The following R3HDM2 variants were observed in gnomAD, a reference collection of about 807,000 sequenced individuals.
R3HDM2 encodes the protein R3H domain-containing protein 2.
Under a neutral mutation model 124.5 loss-of-function variants are expected in R3HDM2, and 38 were observed. That is an observed-to-expected ratio of 0.31 (90% CI 0.24 to 0.40). R3HDM2 has a LOEUF of 0.40. R3HDM2 is among the 10% of genes least tolerant of loss of function. R3HDM2 has a pLI of 1.00. For synonymous variants in R3HDM2, 391 were observed against 448.0 expected (o/e 0.87, Z 1.61); for missense variants, 869 against 1,236.9 (o/e 0.70, Z 4.46).
chr12:57,355,628 A>T (rs966887190), intron 2 of R3HDM2, among the ~76,000 whole-genome samples: 2 of 152,180 alleles, frequency 1.3e-5, no homozygotes, highest in Admixed American at 1.3e-4. Flanking sequence ...CAGGTAGTTT[A>T]AGTCTTCCAA....
At chr12:57,300,206 C>A in intron 4 of R3HDM2, 25 bp from the exon 5 acceptor site, 2 of 1,531,668 alleles carry the variant, frequency 1.3e-6, no homozygotes, top group South Asian at 2.4e-5. Flanking sequence ...AAACAATTTT[C>A]AATTTTTTTA....
chr12:57,304,483 T>C, intron 3 of R3HDM2: 1 of 980,306 alleles, frequency 1.0e-6, no homozygotes, highest in Non-Finnish European at 1.2e-6. Flanking sequence ...CAGCATGGCC[T>C]TGGGTAGGTG....
intron 2 of R3HDM2, among the ~76,000 whole-genome samples, chr12:57,357,599 AG>A (rs2061442780): frequency 1.3e-5 from 2 of 150,756 alleles, no homozygotes; most frequent in African/African-American, 4.9e-5. Flanking sequence ...TCTGGCTAAA[AG>A]TTCAATTTTG....
chr12:57,269,612 G>C, intron 15 of R3HDM2, 140 bp downstream of exon 15: 3 of 1,448,894 alleles, frequency 2.1e-6, no homozygotes, highest in Non-Finnish European at 2.8e-6. Flanking sequence ...ATAGAAAGAA[G>C]ACTTTCTGGC....
chr12:57,287,607 A>G (rs938773112), intron 12 of R3HDM2, among the ~76,000 whole-genome samples: 23 of 152,236 alleles, frequency 1.5e-4, no homozygotes, highest in Middle Eastern at 3.2e-3. Context: ...CTACAGTAGT[A>G]GGAGTGAGAT....
chr12:57,420,405 A>G (rs1050909656), intron 1 of R3HDM2, among the ~76,000 whole-genome samples: 1 of 152,064 alleles, frequency 6.6e-6, no homozygotes, highest in Non-Finnish European at 1.5e-5. Context: ...TGTCAAATCC[A>G]GTGAGTTATT....
At chr12:57,288,094 A>C (rs2047765481) in intron 12 of R3HDM2, among the ~76,000 whole-genome samples, 1 of 145,252 alleles carries the variant, frequency 6.9e-6, no homozygotes, top group African/African-American at 2.6e-5. Flanking sequence ...ATCTCAGCTC[A>C]CTGCAACCTC....
intron 20 of R3HDM2, 44 bp from the exon 21 acceptor site, chr12:57,258,181 C>T (rs1367516681): frequency 2.8e-6 from 4 of 1,427,842 alleles, no homozygotes; most frequent in East Asian, 2.6e-5. Context: ...TCAAACATTA[C>T]CCTCTGGATA....
chr12:57,367,837 C>T (rs2062846728), intron 2 of R3HDM2, among the ~76,000 whole-genome samples: 1 of 152,190 alleles, frequency 6.6e-6, no homozygotes, highest in Non-Finnish European at 1.5e-5. Flanking sequence ...TTTTTTATTT[C>T]TAAAATAATT....
intron 13 of R3HDM2, among the ~76,000 whole-genome samples, chr12:57,282,885 G>A (rs1035999415): frequency 1.5e-4 from 23 of 152,206 alleles, no homozygotes; most frequent in African/African-American, 5.5e-4. Context: ...CTTCTGGGAT[G>A]AGATTCAAGC....
intron 2 of R3HDM2, among the ~76,000 whole-genome samples, chr12:57,323,863 C>CAG (rs1442682561): frequency 6.6e-6 from 1 of 152,060 alleles, no homozygotes; most frequent in Non-Finnish European, 1.5e-5. Context: ...CAAAGAGGAG[C>CAG]AGAGGGTCCT....
At position 57,283,926 on chromosome 12, in the gene R3HDM2, G is replaced by A; in HGVS notation, c.1069C>T (p.Pro357Ser). 1 of 1,614,146 alleles carries A rather than the reference G, an allele frequency of 6.2e-7. No homozygotes were observed. Among genetic ancestry groups the A allele is most frequent in the African/African-American group, 1.3e-5 (1 of 75,026 alleles). ...SDGSVRSMRPPVTKASSFSGI... is the reference protein window; with the variant it reads ...SDGSVRSMRPSVTKASSFSGI... ...CTGAAGCTGCTAGCTTTGGTGACAG[G>A]GGGTCGCATGCTCCGGACAGAGCCA... Residue 357 changes from proline (P) to serine (S), a missense_variant, in exon 13 of 24, where the codon CCT (proline) becomes TCT (serine). By Grantham distance (74) the Pro-to-Ser change is moderately conservative (BLOSUM62 -1). This residue lies in a region of R3HDM2 where 267 missense variants were observed against 447.7 expected (regional missense o/e 0.60). Coordinates refer to ENST00000402412, the MANE Select transcript of R3HDM2 (RefSeq NM_001394031.1).
At position 57,310,222 on chromosome 12, in the gene R3HDM2, G is replaced by GA. The variant is rs57612216; in HGVS notation, c.165+41dup. ...GAGCTGGGTAACCCTGTCTCTAAAG[G>GA]AAAAAAAAAAAGTGTGCATACAATG... On this transcript the variant is annotated intron_variant, in intron 3 of 23. Coordinates refer to ENST00000402412, the MANE Select transcript of R3HDM2 (RefSeq NM_001394031.1). 7.6e-5 allele frequency: 83 copies of GA among 1,086,852 alleles called. No individual in the cohort carries two copies. In the African/African-American group the frequency reaches 1.2e-3, roughly 15 times the overall value. The allele number at this position is 1,086,852 out of a possible 1,614,324, so 67.3% of individuals were successfully genotyped here. A position where few individuals can be genotyped will look rare whatever the true frequency, so the allele number is the denominator to read the frequency against.
chr12:57,407,606 C>T (rs2068643747), intron 1 of R3HDM2, among the ~76,000 whole-genome samples: 1 of 151,814 alleles, frequency 6.6e-6, no homozygotes, highest in African/African-American at 2.4e-5. Flanking sequence ...GGGGTTTCAC[C>T]GTCTTGGCCA....
At chr12:57,359,172 C>T (rs567011104) in intron 2 of R3HDM2, among the ~76,000 whole-genome samples, 2 of 152,270 alleles carry the variant, frequency 1.3e-5, no homozygotes, top group African/African-American at 4.8e-5. Context: ...CCACCTCGGC[C>T]TCCCAAAGTG....
At chr12:57,311,485 C>T (rs2053902560) in intron 2 of R3HDM2, among the ~76,000 whole-genome samples, 1 of 151,994 alleles carries the variant, frequency 6.6e-6, no homozygotes, top group Non-Finnish European at 1.5e-5. Context: ...CTCAGCCTCC[C>T]AAAGTGCTGG....
At chr12:57,402,825 G>A (rs1355344750) in intron 1 of R3HDM2, among the ~76,000 whole-genome samples, 3 of 152,000 alleles carry the variant, frequency 2.0e-5, no homozygotes, top group South Asian at 4.1e-4. Flanking sequence ...CCAAAATGCT[G>A]GGATTACAGA....
intron 2 of R3HDM2, among the ~76,000 whole-genome samples, chr12:57,343,700 T>C (rs762385179): frequency 2.2e-4 from 33 of 148,040 alleles, no homozygotes; most frequent in Non-Finnish European, 4.3e-4. Flanking sequence ...GTTATTACTA[T>C]GGACAGGAAC....
At chr12:57,271,944 T>A (rs2043684769) in intron 14 of R3HDM2, among the ~76,000 whole-genome samples, 1 of 151,032 alleles carries the variant, frequency 6.6e-6, no homozygotes, top group South Asian at 2.1e-4. Flanking sequence ...CAGGCTGGAG[T>A]GCAGTGGTGG....
Sources: gnomAD v4.1 joint callset for allele counts (sites outside exome capture counted in the v4.1 genomes callset) on GRCh38, gnomAD v4.1.1 for gene constraint, gnomAD v4.1.1 regional missense constraint, MANE v1.5 for transcripts, NCBI Gene and HGNC (gene_info 2026-07-23, HGNC 2026-07-21) for gene names.